The following STEAP3 variants were observed in gnomAD, a reference collection of about 807,000 sequenced individuals.
STEAP3 encodes STEAP3 metalloreductase.
Under a neutral mutation model 34.9 loss-of-function variants are expected in STEAP3, and 35 were observed. The ratio of observed to expected loss-of-function variants is 1.00; its 90% CI spans 0.76 to 1.33. The LOEUF (loss-of-function observed/expected upper bound fraction) is 1.33, where lower values mean the gene tolerates loss of function less well. Ranked by LOEUF, STEAP3 falls within the 40% of genes most tolerant of loss-of-function variation. The pLI is 0.00. For synonymous variants in STEAP3, 281 were observed against 301.6 expected (o/e 0.93, Z 0.71); for missense variants, 652 against 667.6 (o/e 0.98, Z 0.26).
chr2:119,256,702 C>A, intron 5 of STEAP3, among the ~76,000 whole-genome samples: 1 of 152,204 alleles, frequency 6.6e-6, no homozygotes. Context: ...TTGTGGAAAT[C>A]AGTGCCTGCC....
At chr2:119,229,883 CG>C (rs1679162256) in intron 1 of STEAP3, among the ~76,000 whole-genome samples, 1 of 152,048 alleles carries the variant, frequency 6.6e-6, no homozygotes, top group Admixed American at 6.6e-5. Context: ...TGTTAGACTC[CG>C]CGGAGATTCA....
chr2:119,245,545 A>T lies in STEAP3; in HGVS notation c.79A>T (p.Ser27Cys). Residue 27 changes from serine (S) to cysteine (C), a missense_variant, in exon 3 of 6, where the codon AGC (serine) becomes TGC (cysteine). Transcript: ENST00000393110. ...KPLISLHLVD[S>C]DSSLAKVPDE... ...ACTGATCAGCCTCCACCTGGTGGAC[A>T]GCGATAGTAGCCTTGCCAAGGTCCC... is the stretch of plus-strand genomic sequence containing the variant. 1.2e-6 allele frequency: 2 copies of T among 1,600,786 alleles called. No individual in the cohort carries two copies. The highest frequency in any genetic ancestry group is 1.3e-5 in the African/African-American group (1 of 74,842).
At chr2:119,250,075 C>T (rs1466254674) in intron 4 of STEAP3, among the ~76,000 whole-genome samples, 1 of 152,220 alleles carries the variant, frequency 6.6e-6, no homozygotes, top group Non-Finnish European at 1.5e-5. Context: ...GTCACACAGT[C>T]AGTAAGTAGC....
chr2:119,248,271 C>CA, intron 4 of STEAP3, 65 bp downstream of exon 4: 1 of 1,493,560 alleles, frequency 6.7e-7, no homozygotes, highest in Non-Finnish European at 8.9e-7. Context: ...ACCTCCCCCC[C>CA]CCACCAACCA....
At chr2:119,261,520 C>T (rs944655465) in intron 5 of STEAP3, among the ~76,000 whole-genome samples, 1 of 152,072 alleles carries the variant, frequency 6.6e-6, no homozygotes, top group Non-Finnish European at 1.5e-5. Flanking sequence ...CCCTGTGCCA[C>T]GACTCCCTCG....
intron 2 of STEAP3, among the ~76,000 whole-genome samples, chr2:119,235,915 C>T (rs1485751813): frequency 2.0e-5 from 3 of 152,168 alleles, no homozygotes; most frequent in Non-Finnish European, 4.4e-5. Flanking sequence ...TGCCCCAGTG[C>T]CCAGCCACCA....
At position 119,246,101 on chromosome 2, in the gene STEAP3, C is replaced by G; in HGVS notation, c.522+113C>G. ...TGTTATCATAACTAATCCTGCATCACTGCAAAATTCCATTTTACAGAACAG... is the reference window on the plus strand; with the variant it reads ...TGTTATCATAACTAATCCTGCATCAGTGCAAAATTCCATTTTACAGAACAG... On this transcript the variant is annotated intron_variant, in intron 3 of 5. Transcript: ENST00000393110. The G allele has an allele frequency of 2.2e-6, 3 of 1,362,366 alleles. No homozygotes were observed. In the South Asian group the frequency reaches 4.3e-5, roughly 19 times the overall value. 84.4% of individuals were successfully genotyped at this position (1,362,366 alleles called of 1,614,324 possible).
chr2:119,239,569 T>TGGTGG (rs1677185913), intron 2 of STEAP3: 1 of 152,312 alleles, frequency 6.6e-6, no homozygotes, highest in African/African-American at 2.4e-5. Flanking sequence ...GGACATGCAC[T>TGGTGG]GTTGATGGGT....
chr2:119,236,051 T>A (rs1225714978), intron 2 of STEAP3, among the ~76,000 whole-genome samples: 4 of 152,188 alleles, frequency 2.6e-5, no homozygotes, highest in Non-Finnish European at 4.4e-5. Flanking sequence ...CCTCCGATTG[T>A]CTTGGGGAGA....
intron 2 of STEAP3, among the ~76,000 whole-genome samples, chr2:119,239,710 T>C (rs927367398): frequency 3.3e-5 from 5 of 152,114 alleles, no homozygotes; most frequent in African/African-American, 1.2e-4. Flanking sequence ...ATCCTCCCAG[T>C]CCCCGCTGTC....
At chr2:119,250,546 T>G (rs1194671338) in intron 4 of STEAP3, among the ~76,000 whole-genome samples, 2 of 152,204 alleles carry the variant, frequency 1.3e-5, no homozygotes, top group African/African-American at 4.8e-5. Context: ...AGTACAATGT[T>G]GCTGCCCAGG....
intron 4 of STEAP3, among the ~76,000 whole-genome samples, chr2:119,251,750 C>G (rs115910100): frequency 6.6e-6 from 1 of 152,074 alleles, no homozygotes; most frequent in Non-Finnish European, 1.5e-5. Flanking sequence ...ACACTTGGGT[C>G]CCATACTGTC....
chr2:119,262,646 G>A (rs1677976599), intron 5 of STEAP3, among the ~76,000 whole-genome samples: 1 of 152,124 alleles, frequency 6.6e-6, no homozygotes, highest in Non-Finnish European at 1.5e-5. Context: ...CCAAAGTGTT[G>A]GGATTACAGG....
chr2:119,260,853 T>A (rs1268207279), intron 5 of STEAP3, among the ~76,000 whole-genome samples: 1 of 152,166 alleles, frequency 6.6e-6, no homozygotes, highest in Non-Finnish European at 1.5e-5. Context: ...GCTTCCTCAC[T>A]CTTCGTGGTG....
At chr2:119,260,142 T>C (rs941447740) in intron 5 of STEAP3, among the ~76,000 whole-genome samples, 1 of 152,034 alleles carries the variant, frequency 6.6e-6, no homozygotes, top group Middle Eastern at 3.4e-3. Context: ...AAAACCACAG[T>C]CTAAAAGCCA....
chr2:119,243,999 T>G (rs1355812495), intron 2 of STEAP3, among the ~76,000 whole-genome samples: 1 of 152,238 alleles, frequency 6.6e-6, no homozygotes, highest in Non-Finnish European at 1.5e-5. Flanking sequence ...CCTGTGGAAC[T>G]GTAGGCTGGT....
intron 1 of STEAP3, among the ~76,000 whole-genome samples, chr2:119,225,785 C>G (rs562753855): frequency 3.9e-4 from 60 of 152,334 alleles, no homozygotes; most frequent in African/African-American, 1.3e-3. Context: ...CTCCTTACCC[C>G]GTAACATGAA....
intron 2 of STEAP3, among the ~76,000 whole-genome samples, chr2:119,240,158 C>A (rs1024047882): frequency 6.6e-6 from 1 of 152,186 alleles, no homozygotes; most frequent in African/African-American, 2.4e-5. Context: ...GAGTCGAGAT[C>A]GCGCCACTGC....
intron 4 of STEAP3, among the ~76,000 whole-genome samples, chr2:119,251,630 A>T (rs928499897): frequency 5.9e-5 from 9 of 152,114 alleles, no homozygotes; most frequent in Non-Finnish European, 1.0e-4. Flanking sequence ...TGACCATGTC[A>T]CTGCTGAAAA....
Sources: allele counts gnomAD v4.1 joint callset (sites outside exome capture counted in the v4.1 genomes callset), GRCh38; gene constraint gnomAD v4.1.1; transcripts MANE v1.5; gene names NCBI Gene and HGNC (gene_info 2026-07-23, HGNC 2026-07-21).